Variants in ERCC1 observed in about 807,000 individuals in gnomAD.
The protein encoded by ERCC1 is DNA excision repair protein ERCC-1.
Under a neutral mutation model 37.6 loss-of-function variants are expected in ERCC1, and 36 were observed. The observed-to-expected ratio is 0.96, with a 90% CI of 0.73 to 1.26. The LOEUF is 1.26. ERCC1 is among the 50% of genes most tolerant of loss of function. The pLI is 0.00. For synonymous variants in ERCC1, 156 were observed against 162.1 expected, an observed-to-expected ratio of 0.96 and a Z score of 0.28; for missense variants, 349 against 376.5, an observed-to-expected ratio of 0.93 and a Z score of 0.60.
chr19:45,440,758 C>T (rs879856347), intron 1 of ERCC1, among the ~76,000 whole-genome samples: 37 of 152,156 alleles, frequency 2.4e-4, no homozygotes, highest in South Asian at 2.1e-4. Flanking sequence ...GTCGCCCAGG[C>T]TGGAGTGCAG....
At chr19:45,409,895 A>ATTTT (rs57573120) in intron 9 of ERCC1, 170 bp from the exon 10 acceptor site, 2,715 of 171,510 alleles carry the variant, frequency 0.016, 58 homozygotes, top group South Asian at 0.077. Flanking sequence ...TATTATTATT[A>ATTTT]TTTTTTTTTT....
chr19:45,446,930 G>A (rs1159765263), intron 1 of ERCC1, among the ~76,000 whole-genome samples: 1 of 152,106 alleles, frequency 6.6e-6, no homozygotes, highest in East Asian at 1.9e-4. Flanking sequence ...CCCGGGAGGT[G>A]GAGGTTGCAG....
chr19:45,417,681 G>T (rs1036787382), intron 5 of ERCC1, among the ~76,000 whole-genome samples: 1 of 151,976 alleles, frequency 6.6e-6, no homozygotes, highest in African/African-American at 2.4e-5. Flanking sequence ...AGGGTGCTTA[G>T]GAGCCATGTG....
intron 5 of ERCC1, among the ~76,000 whole-genome samples, chr19:45,417,147 C>T (rs1974116462): frequency 6.6e-6 from 1 of 152,114 alleles, no homozygotes; most frequent in Non-Finnish European, 1.5e-5. Context: ...AACACAGTAG[C>T]TCAGGATGCC....
At position 45,416,828 on chromosome 19, in the gene ERCC1, C is replaced by T. The variant is rs141811629; in HGVS notation, c.595G>A (p.Ala199Thr). 36 of 1,613,054 alleles carry T rather than the reference C, an allele frequency of 2.2e-5. No individual in the cohort carries two copies. Among genetic ancestry groups the T allele is most frequent in the South Asian group, 4.4e-5 (4 of 91,030 alleles). ...GGGAAGCCCTCATCTCACCTCCAGG[C>T]GAGGATCAATGTGCAGTCGGCCAGG... ...CILADCTLIL[A>T]WSPEEAGRYL... The change falls in exon 6 of 10, where the codon GCC becomes ACC. Residue 199 changes from alanine (A) to threonine (T), a missense_variant. Coordinates refer to ENST00000300853, the MANE Select transcript of ERCC1 (RefSeq NM_001983.4).
At chr19:45,445,208 G>A (rs1163137452) in intron 1 of ERCC1, among the ~76,000 whole-genome samples, 2 of 152,130 alleles carry the variant, frequency 1.3e-5, no homozygotes, top group African/African-American at 4.8e-5. Context: ...GTAGAGACAC[G>A]GTTTCACCAT....
At chr19:45,450,976 C>G (rs1967103442) in intron 1 of ERCC1, among the ~76,000 whole-genome samples, 1 of 144,390 alleles carries the variant, frequency 6.9e-6, no homozygotes, top group South Asian at 2.2e-4. Context: ...GGCTGTTTGT[C>G]CCGGGCTGGG....
At chr19:45,411,914 T>C (rs999679217) in intron 9 of ERCC1, among the ~76,000 whole-genome samples, 2 of 151,858 alleles carry the variant, frequency 1.3e-5, no homozygotes, top group African/African-American at 4.8e-5. Context: ...TGGAGTGCAG[T>C]GGTATGATCT....
chr19:45,432,908 C>A (rs941695678), intron 1 of ERCC1, among the ~76,000 whole-genome samples: 1 of 151,986 alleles, frequency 6.6e-6, no homozygotes, highest in African/African-American at 2.4e-5. Context: ...TGGATAAACC[C>A]TGTCTCTACT....
intron 1 of ERCC1, among the ~76,000 whole-genome samples, chr19:45,445,888 T>A (rs4802257): frequency 0.53 from 80,779 of 151,830 alleles, 22,971 homozygotes; most frequent in East Asian, 0.72. Context: ...TTAATTAATT[T>A]ATTTATTTAT....
intron 1 of ERCC1, among the ~76,000 whole-genome samples, chr19:45,432,960 A>G (rs1444429399): frequency 1.3e-5 from 2 of 152,166 alleles, no homozygotes; most frequent in African/African-American, 4.8e-5. Context: ...CATGCCTCTA[A>G]TCCCACCTAC....
upstream of ERCC1, among the ~76,000 whole-genome samples, chr19:45,428,705 G>A (rs1402026419): frequency 2.6e-5 from 4 of 152,208 alleles, no homozygotes; most frequent in Non-Finnish European, 5.9e-5. Flanking sequence ...GGACCTGAAC[G>A]GGGGGCGGAG....
At chr19:45,423,733 T>C (rs1026974080) in intron 1 of ERCC1, 48 bp downstream of exon 1, 6 of 1,158,246 alleles carry the variant, frequency 5.2e-6, no homozygotes, top group South Asian at 5.1e-5. Context: ...TCGGCAATGA[T>C]TGGCTTCCGC....
chr19:45,411,026 G>A (rs1008141955), intron 9 of ERCC1, among the ~76,000 whole-genome samples: 3 of 151,974 alleles, frequency 2.0e-5, no homozygotes, highest in Admixed American at 6.6e-5. Flanking sequence ...GTTTCACCAC[G>A]TTGGCCAGGC....
chr19:45,410,565 TTGTGTGTGTGTGTGTG>T (rs542122363), intron 9 of ERCC1: 1 of 140,614 alleles, frequency 7.1e-6, no homozygotes, highest in Admixed American at 7.3e-5. Context: ...CATTCTTTCT[TTGTGTGTGTGTGTGTG>T]TGTGTGTGTG....
chr19:45,434,933 G>C (rs1487194709), intron 1 of ERCC1, among the ~76,000 whole-genome samples: 1 of 151,746 alleles, frequency 6.6e-6, no homozygotes, highest in African/African-American at 2.4e-5. Flanking sequence ...GCACCACCAC[G>C]CCCGGCTAAT....
At chr19:45,415,912 G>A in intron 6 of ERCC1, 1 of 412,148 alleles carries the variant, frequency 2.4e-6, no homozygotes, top group Admixed American at 2.6e-5. Context: ...GAGGCAGGAG[G>A]ATCACTTGAG....
At chr19:45,449,256 G>A (rs954999989) in intron 1 of ERCC1, 3 of 152,126 alleles carry the variant, frequency 2.0e-5, no homozygotes, top group African/African-American at 7.2e-5. Flanking sequence ...TTTACAGAGT[G>A]GAGGAAACAA....
chr19:45,447,495 G>A (rs750696880), intron 1 of ERCC1, among the ~76,000 whole-genome samples: 4 of 152,000 alleles, frequency 2.6e-5, no homozygotes, highest in Admixed American at 6.6e-5. Context: ...GGCTGGTCTT[G>A]AACTCCTGAC....
Sources: allele counts gnomAD v4.1 joint callset (sites outside exome capture counted in the v4.1 genomes callset), GRCh38; gene constraint gnomAD v4.1.1; transcripts MANE v1.5; gene names NCBI Gene and HGNC (gene_info 2026-07-23, HGNC 2026-07-21).